The following TXNL1 variants were observed in gnomAD, a reference collection of about 807,000 sequenced individuals.
TXNL1 encodes the protein thioredoxin-like protein 1.
Under a neutral mutation model 35.5 loss-of-function variants are expected in TXNL1, and 14 were observed. That is an observed-to-expected ratio of 0.39 (90% CI 0.26 to 0.62). TXNL1 has a LOEUF of 0.62. Ranked by LOEUF, TXNL1 falls within the 20% of genes least tolerant of loss-of-function variation. The probability of loss-of-function intolerance (pLI) is 0.47; values close to 1 mark genes in which losing one functional copy is unlikely to be tolerated. For missense variants in TXNL1, 263 were observed against 349.7 expected, an observed-to-expected ratio of 0.75 and a Z score of 1.98; for synonymous variants, 110 against 115.5, an observed-to-expected ratio of 0.95 and a Z score of 0.31.
chr18:56,626,440 C>G lies in TXNL1; in HGVS notation c.116G>C (p.Arg39Thr). ...FTMRGCGPCL[R>T]IAPAFSSMSN... ...CATAGAACTGAATGCTGGGGCAATC[C>G]TCAAACATGGCCCACACCTGTTAGA... Residue 39 changes from arginine to threonine, a missense_variant, in exon 2 of 8, where the codon AGG becomes ACG. By Grantham distance (71) the Arg-to-Thr change is moderately conservative (BLOSUM62 -1). Transcript: ENST00000217515. 6.2e-7 allele frequency: 1 copy of G among 1,612,252 alleles called. No homozygotes were observed. The highest frequency in any genetic ancestry group is 1.7e-5 in the Admixed American group (1 of 59,724).
At chr18:56,637,147 G>C (rs2024468396) in intron 1 of TXNL1, among the ~76,000 whole-genome samples, 1 of 152,112 alleles carries the variant, frequency 6.6e-6, no homozygotes. Flanking sequence ...CCAAAAATAA[G>C]TCTTAACTTG....
At chr18:56,627,241 A>G (rs1175739185) in intron 1 of TXNL1, among the ~76,000 whole-genome samples, 1 of 152,054 alleles carries the variant, frequency 6.6e-6, no homozygotes, top group African/African-American at 2.4e-5. Flanking sequence ...CTTTGTTCTC[A>G]CTGAGAGAAA....
In TXNL1 at chr18:56,597,483, G is replaced by C. The variant is rs973034503; in HGVS notation, c.*5544C>G. Reference sequence around the variant, plus strand: ...ATGGATTAAACAACTGGACATCCCAGCTAATTTCAATATCACATTTGAAGA... The same window carrying C: ...ATGGATTAAACAACTGGACATCCCACCTAATTTCAATATCACATTTGAAGA... On this transcript the variant is annotated 3_prime_UTR_variant, in exon 8 of 8. Transcript: ENST00000217515. The C allele has an allele frequency of 6.6e-6, 1 of 152,184 alleles. No individual in the cohort carries two copies. Among genetic ancestry groups the C allele is most frequent in the Non-Finnish European group, 1.5e-5 (1 of 68,036 alleles). 9.4% of individuals were successfully genotyped at this position (152,184 alleles called of 1,614,324 possible). A position where few individuals can be genotyped will look rare whatever the true frequency, so the allele number is the denominator to read the frequency against.
chr18:56,605,448 A>G (rs2023875933), intron 7 of TXNL1, among the ~76,000 whole-genome samples: 1 of 152,206 alleles, frequency 6.6e-6, no homozygotes, highest in Non-Finnish European at 1.5e-5. Context: ...CAGTTTAGAA[A>G]AGTCTATTTT....
chr18:56,638,180 G>A (rs895087968), intron 1 of TXNL1, among the ~76,000 whole-genome samples, 163 bp downstream of exon 1: 5 of 152,220 alleles, frequency 3.3e-5, no homozygotes, highest in African/African-American at 4.8e-5. Context: ...ATAAATGGGG[G>A]TTCACACCCG....
chr18:56,603,031 T>C lies in TXNL1; in HGVS notation c.866A>G (p.His289Arg), dbSNP rs1215297868. Reference sequence around the variant, plus strand: ...TTGTCCAGTGTCTTTTGTACCTTAGTGGCTTTCTCCTTTTTTGCCAACTAC... The same window carrying C: ...TTGTCCAGTGTCTTTTGTACCTTAGCGGCTTTCTCCTTTTTTGCCAACTAC... ...KRVVGKKGES[H>R] The change falls in exon 8 of 8, where the codon CAC becomes CGC. Residue 289 changes from histidine (H) to arginine (R), a missense_variant. Coordinates refer to ENST00000217515, the MANE Select transcript of TXNL1 (RefSeq NM_004786.3). The C allele has an allele frequency of 1.2e-6, 2 of 1,613,880 alleles. No individual in the cohort carries two copies. Among genetic ancestry groups the C allele is most frequent in the Non-Finnish European group, 8.5e-7 (1 of 1,179,856 alleles).
chr18:56,628,226 G>A (rs1337781248), intron 1 of TXNL1, among the ~76,000 whole-genome samples: 14 of 152,098 alleles, frequency 9.2e-5, no homozygotes, highest in Non-Finnish European at 2.1e-4. Flanking sequence ...ATTAAGTATT[G>A]TCAAGAATGC....
At position 56,611,483 on chromosome 18, in the gene TXNL1, C is replaced by A. The variant is rs1474770471; in HGVS notation, c.736-386G>T. 2.8e-5 allele frequency among the ~76,000 whole-genome samples: 4 copies of A among 141,294 alleles called. No homozygotes were observed. In the East Asian group the frequency reaches 6.3e-4, roughly 22 times the overall value. The allele number at this position is 141,294 out of a possible 152,430, so 92.7% of individuals were successfully genotyped here. ...TGCCACTGCACTCCAGCCCGGGCAACAAGAGCAAAACTCTGGCTCAAAAAA... is the reference window on the plus strand; with the variant it reads ...TGCCACTGCACTCCAGCCCGGGCAAAAAGAGCAAAACTCTGGCTCAAAAAA... On this transcript the variant is annotated intron_variant, in intron 6 of 7. Transcript: ENST00000217515.
intron 4 of TXNL1, among the ~76,000 whole-genome samples, chr18:56,617,190 T>C (rs1379853713): frequency 1.3e-5 from 2 of 152,200 alleles, no homozygotes; most frequent in African/African-American, 4.8e-5. Context: ...GTGGTTTATC[T>C]GCCTAAGAAA....
At chr18:56,603,284 T>G (rs1044845583) in intron 7 of TXNL1, among the ~76,000 whole-genome samples, 5 of 151,558 alleles carry the variant, frequency 3.3e-5, no homozygotes, top group Admixed American at 2.6e-4. Flanking sequence ...TCACACAGTT[T>G]TTTTTTTTTT....
intron 1 of TXNL1, among the ~76,000 whole-genome samples, chr18:56,627,300 GA>G (rs1329331400): frequency 6.6e-6 from 1 of 152,122 alleles, no homozygotes; most frequent in Non-Finnish European, 1.5e-5. Flanking sequence ...TTATGAATTT[GA>G]AACTCAATAT....
At chr18:56,612,591 C>G (rs12326835) in intron 6 of TXNL1, among the ~76,000 whole-genome samples, 3,442 of 152,132 alleles carry the variant, frequency 0.023, 71 homozygotes, top group East Asian at 0.078. Flanking sequence ...CTAGGCTGGT[C>G]CTGAACTCTT....
At chr18:56,632,089 C>A (rs1195772298) in intron 1 of TXNL1, among the ~76,000 whole-genome samples, 1 of 152,150 alleles carries the variant, frequency 6.6e-6, no homozygotes, top group African/African-American at 2.4e-5. Context: ...TAAATATAAT[C>A]CAAGATCAGC....
chr18:56,626,211 G>A, intron 2 of TXNL1, 150 bp downstream of exon 2: 1 of 1,387,084 alleles, frequency 7.2e-7, no homozygotes. Context: ...CAGCCATAAT[G>A]ACATCTGTAA....
At position 56,624,464 on chromosome 18, in the gene TXNL1, A is replaced by G. The variant is rs762351609; in HGVS notation, c.196-3T>C. On this transcript the variant is annotated splice_region_variant and splice_polypyrimidine_tract_variant and intron_variant, in intron 2 of 7. Transcript: ENST00000217515. The stretch of plus-strand genomic sequence containing the variant: ...ATATTGTTGGTGGCAGCTGTTCCCT[A>G]GAATTGGCAAGTTGGACAGTGTTAT... 1.2e-6 allele frequency: 2 copies of G among 1,608,726 alleles called. No homozygotes were observed. The highest frequency in any genetic ancestry group is 1.7e-5 in the Admixed American group (1 of 59,740).
intron 1 of TXNL1, among the ~76,000 whole-genome samples, chr18:56,626,790 AGCCG>A (rs2024288595): frequency 1.1e-5 from 1 of 91,428 alleles, no homozygotes; most frequent in South Asian, 3.9e-4. Flanking sequence ...TGAGCCACCA[AGCCG>A]GTCTTTTTTT....
intron 1 of TXNL1, among the ~76,000 whole-genome samples, chr18:56,627,731 A>C (rs1427463473): frequency 2.0e-5 from 3 of 152,102 alleles, no homozygotes; most frequent in African/African-American, 7.2e-5. Flanking sequence ...ACAAAAACCA[A>C]TTCCAGATGG....
chr18:56,618,004 C>T lies in TXNL1; in HGVS notation c.492G>A (p.Gln164=), dbSNP rs1315745936. 1 of 1,613,534 alleles carries T rather than the reference C, an allele frequency of 6.2e-7. No individual in the cohort carries two copies. The highest frequency in any genetic ancestry group is 1.7e-5 in the Admixed American group (1 of 60,000). ...TTFLESDCDE[Q]LLITVAFNQP... ...AAGCTTATCTTCAGCCCTCAATTAC[C>T]TGTTCATCACAGTCAGATTCCAAGA... is the stretch of plus-strand genomic sequence containing the variant. The change falls in exon 4 of 8, where the codon CAG becomes CAA. Residue 164 remains glutamine (Q), a splice_region_variant and synonymous_variant. Transcript: ENST00000217515.
At position 56,601,556 on chromosome 18, in the gene TXNL1, C is replaced by T. The variant is rs897111216; in HGVS notation, c.*1471G>A. On this transcript the variant is annotated 3_prime_UTR_variant, in exon 8 of 8. Transcript: ENST00000217515. ...TATTTAAGGAGTGTTAAGATCATCA[C>T]AGACCAGTTAATGTGCCCATATACA... is the stretch of plus-strand genomic sequence containing the variant. 2.7e-4 allele frequency: 36 copies of T among 133,182 alleles called. No individual in the cohort carries two copies. The highest frequency in any genetic ancestry group is 2.4e-4 in the Admixed American group (3 of 12,582). The allele number at this position is 133,182 out of a possible 1,614,324, so 8.3% of individuals were successfully genotyped here. A position where few individuals can be genotyped will look rare whatever the true frequency, so the allele number is the denominator to read the frequency against.
Sources: gnomAD v4.1 joint callset for allele counts (sites outside exome capture counted in the v4.1 genomes callset) on GRCh38, gnomAD v4.1.1 for gene constraint, MANE v1.5 for transcripts, NCBI Gene and HGNC (gene_info 2026-07-23, HGNC 2026-07-21) for gene names.